Variants in NAALADL2 observed in about 807,000 individuals in gnomAD.
NAALADL2 encodes N-acetylated alpha-linked acidic dipeptidase like 2, also known as inactive N-acetylated-alpha-linked acidic dipeptidase-like protein 2.
A neutral mutation model predicts 87.2 loss-of-function variants in NAALADL2; 76 were observed. That is an observed-to-expected ratio of 0.87 (90% CI 0.72 to 1.05). The LOEUF (loss-of-function observed/expected upper bound fraction) is 1.05. Ranked by LOEUF, NAALADL2 falls within the 50% of genes least tolerant of loss-of-function variation. The pLI, the probability that NAALADL2 is intolerant of heterozygous loss-of-function variation, is 0.00. For missense variants in NAALADL2, 1,089 were observed against 945.8 expected, an observed-to-expected ratio of 1.15 and a Z score of -1.99; for synonymous variants, 354 against 331.0, an observed-to-expected ratio of 1.07 and a Z score of -0.75.
chr3:174,957,556 G>A (rs1411599238), intron 1 of NAALADL2, among the ~76,000 whole-genome samples: 1 of 151,940 alleles, frequency 6.6e-6, no homozygotes. Context: ...TCTAGAGGCT[G>A]AGAAGGAAGA....
At chr3:174,588,373 A>C (rs1434815046) in intron 2 of NAALADL2, among the ~76,000 whole-genome samples, 1 of 152,102 alleles carries the variant, frequency 6.6e-6, no homozygotes. Context: ...TTTTTCTCTC[A>C]ACTCATCAAA....
At chr3:174,882,517 GTGCATATACACATATA>G (rs1399344641) in intron 1 of NAALADL2, among the ~76,000 whole-genome samples, 9 of 146,230 alleles carry the variant, frequency 6.2e-5, no homozygotes, top group Admixed American at 3.3e-4. Context: ...ATATACATAT[GTGCATATACACATATA>G]TGCATACACA....
chr3:175,555,754 A>T (rs1715166974), intron 9 of NAALADL2, among the ~76,000 whole-genome samples: 1 of 152,172 alleles, frequency 6.6e-6, no homozygotes. Flanking sequence ...CATATTGCCG[A>T]TGACCCTGAG....
intron 5 of NAALADL2, among the ~76,000 whole-genome samples, chr3:175,381,680 T>A (rs1767803189): frequency 6.6e-6 from 1 of 152,220 alleles, no homozygotes; most frequent in Non-Finnish European, 1.5e-5. Context: ...ACAAAAAAAT[T>A]AATGATTTGG....
At chr3:175,557,892 T>C (rs769470356) in intron 9 of NAALADL2, among the ~76,000 whole-genome samples, 2 of 152,136 alleles carry the variant, frequency 1.3e-5, no homozygotes, top group African/African-American at 4.8e-5. Context: ...GCATGTCTTC[T>C]TTTGAAAAAT....
intron 2 of NAALADL2, among the ~76,000 whole-genome samples, chr3:174,676,148 A>G (rs1369300983): frequency 6.6e-6 from 1 of 151,988 alleles, no homozygotes; most frequent in Non-Finnish European, 1.5e-5. Flanking sequence ...TTGAAGGTTT[A>G]TTCTTGGTAA....
chr3:174,810,894 C>T (rs1260751540), intron 3 of NAALADL2, among the ~76,000 whole-genome samples: 1 of 152,162 alleles, frequency 6.6e-6, no homozygotes, highest in Non-Finnish European at 1.5e-5. Context: ...ATGGACCAGA[C>T]CTAGGGCCCT....
chr3:175,258,506 A>G (rs1750472520), intron 4 of NAALADL2, among the ~76,000 whole-genome samples: 1 of 152,134 alleles, frequency 6.6e-6, no homozygotes. Flanking sequence ...CTAGGATTCC[A>G]TGATAAAGAA....
intron 1 of NAALADL2, among the ~76,000 whole-genome samples, chr3:174,882,950 G>A (rs915309632): frequency 6.6e-6 from 1 of 151,212 alleles, no homozygotes; most frequent in Non-Finnish European, 1.5e-5. Flanking sequence ...AGATTATTAA[G>A]CATTAACTCA....
At chr3:175,349,857 T>C (rs1381614929) in intron 5 of NAALADL2, among the ~76,000 whole-genome samples, 1 of 152,120 alleles carries the variant, frequency 6.6e-6, no homozygotes, top group Non-Finnish European at 1.5e-5. Flanking sequence ...TTTCTTTCCC[T>C]CACATTAGAG....
intron 1 of NAALADL2, among the ~76,000 whole-genome samples, chr3:174,890,100 G>C (rs1730686076): frequency 1.3e-5 from 2 of 152,140 alleles, no homozygotes; most frequent in African/African-American, 2.4e-5. Context: ...CATCACTCTA[G>C]AACATTGTTT....
chr3:174,614,945 G>A (rs543152538), intron 2 of NAALADL2, among the ~76,000 whole-genome samples: 3 of 152,194 alleles, frequency 2.0e-5, no homozygotes, highest in African/African-American at 4.8e-5. Context: ...TATGAAGTTC[G>A]TTAACTCCAC....
At chr3:175,757,035 T>C (rs1397238730) in intron 13 of NAALADL2, among the ~76,000 whole-genome samples, 1 of 151,582 alleles carries the variant, frequency 6.6e-6, no homozygotes, top group African/African-American at 2.4e-5. Context: ...TGTATGTGTA[T>C]GTATGTATGT....
intron 12 of NAALADL2, among the ~76,000 whole-genome samples, chr3:175,741,703 A>AT (rs1745260073): frequency 6.6e-6 from 1 of 151,998 alleles, no homozygotes; most frequent in Non-Finnish European, 1.5e-5. Flanking sequence ...ATAATTTTTG[A>AT]TTTTTTCCAG....
At chr3:175,096,194 G>GAATC (rs1452199518) in intron 1 of NAALADL2, among the ~76,000 whole-genome samples, 2 of 152,076 alleles carry the variant, frequency 1.3e-5, no homozygotes, top group East Asian at 3.9e-4. Flanking sequence ...GGTAACTTAA[G>GAATC]AATCTGTAAC....
intron 9 of NAALADL2, among the ~76,000 whole-genome samples, chr3:175,511,006 G>C (rs973551414): frequency 2.6e-5 from 4 of 152,112 alleles, no homozygotes; most frequent in African/African-American, 9.7e-5. Context: ...GTACTGGACT[G>C]GTAGCCTAGA....
At chr3:174,622,825 G>A (rs1238376742) in intron 2 of NAALADL2, among the ~76,000 whole-genome samples, 2 of 152,244 alleles carry the variant, frequency 1.3e-5, no homozygotes, top group Admixed American at 6.5e-5. Flanking sequence ...CGAATCACGA[G>A]GTCGGGAGAT....
intron 6 of NAALADL2, chr3:175,460,100 T>A (rs370565335): frequency 2.1e-4 from 97 of 453,918 alleles, no homozygotes; most frequent in African/African-American, 1.8e-3. Flanking sequence ...AGTACAGGAT[T>A]GCTTTTGTTA....
At chr3:174,746,370 C>A (rs1734250263) in intron 3 of NAALADL2, among the ~76,000 whole-genome samples, 1 of 152,058 alleles carries the variant, frequency 6.6e-6, no homozygotes, top group African/African-American at 2.4e-5. Flanking sequence ...ATATGGCTAA[C>A]AAGGGATGTC....
Sources: gnomAD v4.1 joint callset for allele counts (sites outside exome capture counted in the v4.1 genomes callset) on GRCh38, gnomAD v4.1.1 for gene constraint, MANE v1.5 for transcripts, NCBI Gene and HGNC (gene_info 2026-07-23, HGNC 2026-07-21) for gene names.